The following RALB variants were observed in gnomAD, a reference collection of about 807,000 sequenced individuals.
RALB encodes the protein ras-related protein Ral-B.
A neutral mutation model predicts 21.3 loss-of-function variants in RALB; 16 were observed. The observed-to-expected ratio is 0.75, with a 90% CI of 0.51 to 1.14. The LOEUF (loss-of-function observed/expected upper bound fraction) is 1.14. Ranked by LOEUF, RALB falls within the 50% of genes most tolerant of loss-of-function variation. The probability of loss-of-function intolerance (pLI) is 0.00; values close to 1 mark genes in which losing one functional copy is unlikely to be tolerated. For synonymous variants in RALB, 93 were observed against 96.1 expected, an observed-to-expected ratio of 0.97 and a Z score of 0.19; for missense variants, 161 against 256.2, an observed-to-expected ratio of 0.63 and a Z score of 2.54.
chr2:120,252,646 G>T (rs764611606), upstream of RALB: 3 of 330,218 alleles, frequency 9.1e-6, no homozygotes, highest in Non-Finnish European at 1.3e-5. Context: ...GGGCAGGCGC[G>T]CTGGGCCCGC....
intron 1 of RALB, among the ~76,000 whole-genome samples, chr2:120,262,644 A>C (rs1012378632): frequency 6.6e-6 from 1 of 152,138 alleles, no homozygotes; most frequent in African/African-American, 2.4e-5. Flanking sequence ...GGGAGGTGGC[A>C]GCTTCCTTGT....
intron 1 of RALB, among the ~76,000 whole-genome samples, chr2:120,241,449 G>C (rs1688893496): frequency 6.6e-6 from 1 of 152,248 alleles, no homozygotes; most frequent in Non-Finnish European, 1.5e-5. Flanking sequence ...GAGAGGGCCA[G>C]GCATGGTGGC....
rs1690372588 is a variant in RALB, at chr2:120,294,311, TAG to T, written c.*1059_*1060del. 2.5e-6 allele frequency: 1 copy of T among 398,734 alleles called. No homozygotes were observed. 24.7% of individuals were successfully genotyped at this position (398,734 alleles called of 1,614,324 possible). On this transcript the variant is annotated 3_prime_UTR_variant, in exon 5 of 5. Transcript: ENST00000272519. Reference sequence around the variant, plus strand: ...GTAATTCTAAATTTAAAATTAGAAGTAGAGAGAGATAAGCCATCGCCCCTTTG... The same window carrying T: ...GTAATTCTAAATTTAAAATTAGAAGTAGAGAGATAAGCCATCGCCCCTTTG...
chr2:120,268,081 C>A (rs1413663969), intron 1 of RALB, among the ~76,000 whole-genome samples: 2 of 152,240 alleles, frequency 1.3e-5, no homozygotes, highest in Admixed American at 6.5e-5. Context: ...TGAGCCACTG[C>A]ACCTGGCCTA....
chr2:120,280,030 A>G (rs1369653217), intron 2 of RALB, among the ~76,000 whole-genome samples: 1 of 152,136 alleles, frequency 6.6e-6, no homozygotes, highest in Non-Finnish European at 1.5e-5. Flanking sequence ...CACTGTGCTG[A>G]CGTGCGAACA....
chr2:120,266,689 C>T (rs189965984), intron 1 of RALB, among the ~76,000 whole-genome samples: 27 of 152,070 alleles, frequency 1.8e-4, no homozygotes, highest in African/African-American at 5.1e-4. Context: ...CCAGTCTGGG[C>T]GACAGAATGA....
At chr2:120,240,083 C>T (rs769061162) in exon 1 of RALB, 17 of 1,289,366 alleles carry the variant, frequency 1.3e-5, no homozygotes, top group African/African-American at 1.2e-4. Context: ...AGCGGGAGAG[C>T]GGGTGGCAGG....
intron 1 of RALB, among the ~76,000 whole-genome samples, chr2:120,259,012 AC>A (rs1689273042): frequency 1.3e-5 from 2 of 151,652 alleles, no homozygotes; most frequent in South Asian, 4.2e-4. Flanking sequence ...GGTGAGTGTT[AC>A]AGCTCTTAAG....
At chr2:120,288,168 G>A (rs990438372) in intron 3 of RALB, among the ~76,000 whole-genome samples, 3 of 151,970 alleles carry the variant, frequency 2.0e-5, no homozygotes, top group East Asian at 3.9e-4. Context: ...AGTTTTTATT[G>A]TTCATAGTTT....
upstream of RALB, among the ~76,000 whole-genome samples, chr2:120,249,069 C>G (rs1197814670): frequency 2.1e-5 from 3 of 140,862 alleles, no homozygotes; most frequent in Admixed American, 2.2e-4. Flanking sequence ...GAGTCTTGCT[C>G]TGTTGCCCAG....
chr2:120,250,821 A>G (rs1484883493), upstream of RALB, among the ~76,000 whole-genome samples: 2 of 152,016 alleles, frequency 1.3e-5, no homozygotes, highest in African/African-American at 2.4e-5. Context: ...CGTTTCCCCT[A>G]TTGGTGTCCT....
upstream of RALB, among the ~76,000 whole-genome samples, chr2:120,250,674 C>T (rs1689039021): frequency 6.6e-6 from 1 of 152,308 alleles, no homozygotes; most frequent in Admixed American, 6.5e-5. Flanking sequence ...TTCTGCTGCT[C>T]AAGCCCCTGG....
rs1558953569 is a variant in RALB, at chr2:120,277,697, ATGTGGGTGTG to A, written c.-47-916_-47-907del. Among the ~76,000 whole-genome samples the A allele has an allele frequency of 1.4e-4, 20 of 147,556 alleles. 1 individual carries two copies. Among genetic ancestry groups the A allele is most frequent in the Non-Finnish European group, 2.4e-4 (16 of 67,176 alleles). On this transcript the variant is annotated intron_variant, in intron 1 of 4. Transcript: ENST00000272519. ...GAACGTGTTATGAGTGAAAGTGTGT[ATGTGGGTGTG>A]TGTGATAGTGCGTGTGTGATAGTGT... is the stretch of plus-strand genomic sequence containing the variant.
intron 1 of RALB, among the ~76,000 whole-genome samples, chr2:120,276,650 G>A (rs1221885235): frequency 3.3e-5 from 5 of 151,548 alleles, no homozygotes; most frequent in African/African-American, 7.3e-5. Flanking sequence ...AGGACTCTTT[G>A]CCCTCACTAT....
chr2:120,273,769 A>G (rs1232576094), intron 1 of RALB, among the ~76,000 whole-genome samples: 3 of 152,210 alleles, frequency 2.0e-5, no homozygotes, highest in African/African-American at 7.2e-5. Flanking sequence ...AGTTTCACCC[A>G]AAGTCTGGAG....
chr2:120,290,779 T>G (rs1387577067), intron 4 of RALB, among the ~76,000 whole-genome samples: 1 of 152,204 alleles, frequency 6.6e-6, no homozygotes, highest in Non-Finnish European at 1.5e-5. Flanking sequence ...AGGCCTTTTT[T>G]CTTTTTAAAA....
intron 2 of RALB, among the ~76,000 whole-genome samples, chr2:120,284,122 TAAA>T (rs994920850): frequency 6.6e-5 from 10 of 152,220 alleles, no homozygotes; most frequent in Non-Finnish European, 8.8e-5. Flanking sequence ...GGAAAGGAGT[TAAA>T]AGAAGGACAC....
chr2:120,275,179 G>A (rs1393996473), intron 1 of RALB, among the ~76,000 whole-genome samples: 1 of 152,236 alleles, frequency 6.6e-6, no homozygotes, highest in Non-Finnish European at 1.5e-5. Context: ...GCTCCTTCAA[G>A]GGTCTTGACT....
Position 120,252,905 on chromosome 2 carries a change from G to A in RALB, c.-123G>A. ...ATCGGTGGAGGACGGCTGGGGTCCGGCCCCGGGAGGGGGCGGGGCGCGTTT... is the reference window on the plus strand; with the variant it reads ...ATCGGTGGAGGACGGCTGGGGTCCGACCCCGGGAGGGGGCGGGGCGCGTTT... On this transcript the variant is annotated 5_prime_UTR_variant, in exon 1 of 5. Coordinates refer to ENST00000272519, the MANE Select transcript of RALB (RefSeq NM_002881.3). The A allele has an allele frequency of 4.1e-6, 4 of 985,548 alleles. No homozygotes were observed. Among genetic ancestry groups the A allele is most frequent in the Non-Finnish European group, 4.8e-6 (4 of 830,088 alleles). The allele number at this position is 985,548 out of a possible 1,614,324, so 61.1% of individuals were successfully genotyped here.
Sources: allele counts gnomAD v4.1 joint callset (sites outside exome capture counted in the v4.1 genomes callset), GRCh38; gene constraint gnomAD v4.1.1; transcripts MANE v1.5; gene names NCBI Gene and HGNC (gene_info 2026-07-23, HGNC 2026-07-21).